Variants in ABLIM1 observed in about 807,000 individuals in gnomAD.
ABLIM1 encodes the protein actin-binding LIM protein 1.
Under a neutral mutation model 107.0 loss-of-function variants are expected in ABLIM1, and 40 were observed. The ratio of observed to expected loss-of-function variants is 0.37; its 90% CI spans 0.29 to 0.49. The LOEUF (loss-of-function observed/expected upper bound fraction) is 0.49, where lower values mean the gene tolerates loss of function less well. Among genes scored for constraint, ABLIM1 ranks in the 20% least tolerant of loss-of-function variants. ABLIM1 has a pLI of 0.97. For missense variants in ABLIM1, 857 were observed against 1,008.5 expected (o/e 0.85, Z 2.04); for synonymous variants, 357 against 357.3 (o/e 1.00, Z 0.01).
At chr10:114,474,591 A>G (rs2067236619) in intron 8 of ABLIM1, among the ~76,000 whole-genome samples, 1 of 152,144 alleles carries the variant, frequency 6.6e-6, no homozygotes, top group Non-Finnish European at 1.5e-5. Context: ...CGTGTTAGCC[A>G]GGATGGTCTT....
intron 1 of ABLIM1, among the ~76,000 whole-genome samples, chr10:114,728,732 C>T (rs2082013833): frequency 6.6e-6 from 1 of 151,998 alleles, no homozygotes; most frequent in African/African-American, 2.4e-5. Context: ...AGTGAGAACA[C>T]CAAATTCAAT....
chr10:114,466,157 C>T (rs562218895), intron 11 of ABLIM1, among the ~76,000 whole-genome samples: 9 of 152,114 alleles, frequency 5.9e-5, no homozygotes, highest in African/African-American at 2.2e-4. Context: ...CTGGGCAACA[C>T]AACGAGACCT....
At chr10:114,535,361 A>C (rs1283995858) in intron 6 of ABLIM1, among the ~76,000 whole-genome samples, 5 of 152,032 alleles carry the variant, frequency 3.3e-5, no homozygotes, top group Non-Finnish European at 7.4e-5. Flanking sequence ...CCCAGGCTGG[A>C]GTGCAGTTGC....
upstream of ABLIM1, among the ~76,000 whole-genome samples, chr10:114,768,366 T>C (rs1295268607): frequency 2.0e-5 from 3 of 150,022 alleles, no homozygotes; most frequent in Admixed American, 6.6e-5. Context: ...GCAGCCGCTC[T>C]GCCGCGGCGC....
At chr10:114,446,524 C>T (rs550243140) in intron 15 of ABLIM1, among the ~76,000 whole-genome samples, 1 of 152,272 alleles carries the variant, frequency 6.6e-6, no homozygotes, top group East Asian at 1.9e-4. Context: ...TGGGAGGAAA[C>T]AGGAAAGTTT....
chr10:114,723,844 C>T (rs899596373), intron 1 of ABLIM1, among the ~76,000 whole-genome samples: 1 of 152,150 alleles, frequency 6.6e-6, no homozygotes, highest in Non-Finnish European at 1.5e-5. Flanking sequence ...GGTAGAGATT[C>T]AATTATCTTT....
At chr10:114,796,822 C>G in the ABLIM1 span, among the ~76,000 whole-genome samples, 20 of 152,120 alleles carry the variant, frequency 1.3e-4, no homozygotes, top group Non-Finnish European at 2.9e-4. Flanking sequence ...CTCCACCCCA[C>G]CTTGTTGCTG....
At chr10:114,453,313 C>A in intron 13 of ABLIM1, 66 bp downstream of exon 13, 1 of 1,508,814 alleles carries the variant, frequency 6.6e-7, no homozygotes, top group Non-Finnish European at 9.2e-7. Flanking sequence ...TGAGACAAGA[C>A]GAGGTTACAA....
chr10:114,493,536 A>C (rs887753437), intron 6 of ABLIM1, among the ~76,000 whole-genome samples: 2 of 152,238 alleles, frequency 1.3e-5, no homozygotes, highest in African/African-American at 4.8e-5. Context: ...CCTCCTGGCC[A>C]ATGTGATGTC....
intron 4 of ABLIM1, among the ~76,000 whole-genome samples, chr10:114,548,001 T>C (rs1037079827): frequency 1.3e-5 from 2 of 152,202 alleles, no homozygotes; most frequent in African/African-American, 4.8e-5. Flanking sequence ...CCTCCGTGGA[T>C]CTACGGGGAC....
intron 1 of ABLIM1, among the ~76,000 whole-genome samples, chr10:114,638,568 T>G (rs1240122203): frequency 2.0e-5 from 3 of 152,098 alleles, no homozygotes; most frequent in Admixed American, 2.0e-4. Flanking sequence ...TTTGGGTTAC[T>G]GGGCCTTCCC....
At chr10:114,464,184 ATT>A (rs1222001152) in intron 12 of ABLIM1, among the ~76,000 whole-genome samples, 25 of 131,280 alleles carry the variant, frequency 1.9e-4, no homozygotes, top group Admixed American at 1.5e-4. Flanking sequence ...AGCATAAAGG[ATT>A]TTTTTTTTTT....
At chr10:114,757,250 T>C (rs1052463214) in intron 1 of ABLIM1, among the ~76,000 whole-genome samples, 2 of 152,162 alleles carry the variant, frequency 1.3e-5, no homozygotes, top group African/African-American at 4.8e-5. Flanking sequence ...ATTGTAACAG[T>C]AAATAGAGCA....
chr10:114,660,968 T>G (rs542486307), upstream of ABLIM1, among the ~76,000 whole-genome samples: 1 of 152,196 alleles, frequency 6.6e-6, no homozygotes, highest in Non-Finnish European at 1.5e-5. Context: ...CAAAAACTAT[T>G]TCCACTGCAT....
chr10:114,617,742 T>A (rs1018426708), intron 1 of ABLIM1, among the ~76,000 whole-genome samples: 1 of 152,222 alleles, frequency 6.6e-6, no homozygotes, highest in African/African-American at 2.4e-5. Flanking sequence ...GCACACTATT[T>A]CACTTAAATT....
chr10:114,757,209 G>A (rs775639012), intron 1 of ABLIM1, among the ~76,000 whole-genome samples: 1 of 152,000 alleles, frequency 6.6e-6, no homozygotes, highest in Non-Finnish European at 1.5e-5. Context: ...TTCTTTTCCT[G>A]GTATATTGCA....
At chr10:114,505,458 C>T (rs76465236) in intron 6 of ABLIM1, among the ~76,000 whole-genome samples, 17,071 of 152,226 alleles carry the variant, frequency 0.11, 1,027 homozygotes, top group African/African-American at 0.17. Flanking sequence ...GAATCGCTCC[C>T]ATGCCAGCTG....
At chr10:114,787,532 T>G in the ABLIM1 span, among the ~76,000 whole-genome samples, 74 of 100,824 alleles carry the variant, frequency 7.3e-4, no homozygotes, top group African/African-American at 2.4e-3. Context: ...GAGGGAGGTG[T>G]GGGGGTCAGC....
upstream of ABLIM1, among the ~76,000 whole-genome samples, chr10:114,660,552 G>A (rs1022615800): frequency 6.6e-6 from 1 of 151,862 alleles, no homozygotes; most frequent in African/African-American, 2.4e-5. Context: ...GGGCCAATTT[G>A]TTTAAGATGG....
Sources: gnomAD v4.1 joint callset for allele counts (sites outside exome capture counted in the v4.1 genomes callset) on GRCh38, gnomAD v4.1.1 for gene constraint, MANE v1.5 for transcripts, NCBI Gene and HGNC (gene_info 2026-07-23, HGNC 2026-07-21) for gene names.